FANCB: variants seen among roughly 807,000 people sequenced by gnomAD.
FANCB encodes FA complementation group B.
FANCB carries 5 observed loss-of-function variants against 38.9 expected under a neutral mutation model. That is an observed-to-expected ratio of 0.13 (90% confidence interval 0.07 to 0.27). The LOEUF is 0.27. Ranked by LOEUF, FANCB falls within the 10% of genes least tolerant of loss-of-function variation. FANCB has a pLI of 1.00. For missense variants in FANCB, 573 were observed against 602.7 expected (o/e 0.95, Z 0.52); for synonymous variants, 236 against 215.4 (o/e 1.10, Z -0.84).
chrX:14,767,853 A>G, the FANCB span, among the ~76,000 whole-genome samples: 1 of 112,023 alleles, frequency 8.9e-6, no homozygotes, highest in East Asian at 2.8e-4. Context: ...TCTTGAGTTA[A>G]TTTTTGTATA....
At chrX:14,733,609 T>C in the FANCB span, among the ~76,000 whole-genome samples, 2 of 112,141 alleles carry the variant, frequency 1.8e-5, no homozygotes, top group East Asian at 5.6e-4. Flanking sequence ...TTCCTAGGTA[T>C]CTTGTTCTCT....
the FANCB span, among the ~76,000 whole-genome samples, chrX:14,789,803 T>C: frequency 1.2e-4 from 14 of 112,045 alleles, no homozygotes; most frequent in South Asian, 4.9e-3. Flanking sequence ...GGTGAAGACA[T>C]GGTAGGGTCA....
chrX:14,797,691 AAGAGAG>A, the FANCB span, among the ~76,000 whole-genome samples: 347 of 103,321 alleles, frequency 3.4e-3, 1 homozygote, highest in African/African-American at 0.012. Context: ...AAAAAAAAAA[AAGAGAG>A]AGAGAGAGAG....
At chrX:14,786,486 T>C in the FANCB span, among the ~76,000 whole-genome samples, 1 of 111,110 alleles carries the variant, frequency 9.0e-6, no homozygotes, top group Non-Finnish European at 1.9e-5. Flanking sequence ...TCTTTATCAT[T>C]GCTTGCCAAG....
chrX:14,865,027 TAAC>T lies in FANCB; in HGVS notation c.481_483del (p.Val161del). 1.7e-6 allele frequency: 2 copies of T among 1,210,142 alleles called. No individual in the cohort carries two copies. On this transcript the variant is annotated inframe_deletion, in exon 3 of 10. Transcript: ENST00000650831. ...ATAGAGGAAAAGTTACCTGACACAC[TAAC>T]AACTTTGCCAGTTTGAGAAGAGATA...
In FANCB at chrX:14,857,969, A is replaced by T; in HGVS notation, c.1105-15T>A. ...GATGGTTCACTCTAATAAATAAATA[A>T]ATAAATAAATACACTAAGACTGAAA... is the stretch of plus-strand genomic sequence containing the variant. On this transcript the variant is annotated splice_polypyrimidine_tract_variant and intron_variant, in intron 4 of 9. Coordinates refer to ENST00000650831, the MANE Select transcript of FANCB (RefSeq NM_001018113.3). The T allele has an allele frequency of 1.0e-6, 1 of 1,002,622 alleles. No individual in the cohort carries two copies. Among genetic ancestry groups the T allele is most frequent in the Non-Finnish European group, 1.4e-6 (1 of 710,762 alleles). The allele number at this position is 1,002,622 out of a possible 1,213,427, so 82.6% of individuals were successfully genotyped here.
At chrX:14,798,269 T>C in the FANCB span, among the ~76,000 whole-genome samples, 1 of 110,597 alleles carries the variant, frequency 9.0e-6, no homozygotes, top group Non-Finnish European at 1.9e-5. Flanking sequence ...TTCACGCCAT[T>C]CTCTTGCCTC....
intron 4 of FANCB, 45 bp from the exon 5 acceptor site, chrX:14,857,999 G>A: frequency 1.2e-6 from 1 of 852,331 alleles, no homozygotes; most frequent in South Asian, 2.1e-5. Context: ...CTGAAATTTT[G>A]CAACAATTGA....
the FANCB span, among the ~76,000 whole-genome samples, chrX:14,817,023 T>TA: frequency 8.9e-6 from 1 of 112,216 alleles, no homozygotes; most frequent in Admixed American, 9.4e-5. Flanking sequence ...CCAGTTCCTA[T>TA]ATAGACACAG....
chrX:14,804,556 G>A, the FANCB span, among the ~76,000 whole-genome samples: 1 of 111,129 alleles, frequency 9.0e-6, no homozygotes, highest in Middle Eastern at 4.6e-3. Flanking sequence ...ACTGGGTGCA[G>A]CACACCAACA....
chrX:14,859,285 A>T lies in FANCB; in HGVS notation c.1001T>A (p.Ile334Asn), dbSNP rs941959108. The change falls in exon 4 of 10, where the codon ATT (isoleucine) becomes AAT (asparagine). Residue 334 changes from isoleucine to asparagine, a missense_variant. Coordinates refer to ENST00000650831, the MANE Select transcript of FANCB (RefSeq NM_001018113.3). ...GAGTACTTGTTCAGTTCCACTTCCA[A>T]TAAAGTCATCTATCAGTACTAAGCT... The part of the protein sequence containing the change: ...KLSLVLIDDF[I>N]GSGTEQVLLL... 8.4e-7 allele frequency: 1 copy of T among 1,191,116 alleles called. No individual in the cohort carries two copies. Among genetic ancestry groups the T allele is most frequent in the African/African-American group, 1.8e-5 (1 of 56,893 alleles).
At chrX:14,717,607 T>C in the FANCB span, among the ~76,000 whole-genome samples, 1 of 110,887 alleles carries the variant, frequency 9.0e-6, no homozygotes, top group South Asian at 3.8e-4. Flanking sequence ...GAGTTGTATA[T>C]AGTTATGAGT....
the FANCB span, among the ~76,000 whole-genome samples, chrX:14,828,278 T>G: frequency 7.2e-5 from 8 of 111,816 alleles, no homozygotes; most frequent in East Asian, 2.8e-4. Flanking sequence ...CAATGAAGTT[T>G]GCCATGTTGA....
At chrX:14,748,504 T>C in the FANCB span, among the ~76,000 whole-genome samples, 2 of 112,628 alleles carry the variant, frequency 1.8e-5, no homozygotes, top group African/African-American at 3.2e-5. Context: ...GCAATTTGTA[T>C]GCAGTAATAG....
At chrX:14,770,086 C>T in the FANCB span, among the ~76,000 whole-genome samples, 1 of 112,342 alleles carries the variant, frequency 8.9e-6, no homozygotes, top group Non-Finnish European at 1.9e-5. Flanking sequence ...GAGTAAGTGC[C>T]ATGTGGGCAA....
the FANCB span, among the ~76,000 whole-genome samples, chrX:14,708,940 A>G: frequency 9.1e-6 from 1 of 110,257 alleles, no homozygotes; most frequent in African/African-American, 3.4e-5. Context: ...CCGTCTCCAC[A>G]CAAAAAGAAA....
chrX:14,789,502 C>A, the FANCB span, among the ~76,000 whole-genome samples: 1 of 111,586 alleles, frequency 9.0e-6, no homozygotes, highest in Non-Finnish European at 1.9e-5. Flanking sequence ...ATTAATGACA[C>A]TTAATAATAT....
downstream of FANCB, among the ~76,000 whole-genome samples, chrX:14,838,956 G>A (rs752686615): frequency 2.7e-5 from 3 of 111,890 alleles, no homozygotes; most frequent in East Asian, 8.4e-4. Flanking sequence ...CTTCCTACTG[G>A]AGAGGATATA....
At chrX:14,696,218 G>A in the FANCB span, among the ~76,000 whole-genome samples, 5 of 96,568 alleles carry the variant, frequency 5.2e-5, no homozygotes, top group Non-Finnish European at 1.0e-4. Context: ...GAGGGAGAGT[G>A]CGAGGGAGGG....
Sources: allele counts gnomAD v4.1 joint callset (sites outside exome capture counted in the v4.1 genomes callset), GRCh38; gene constraint gnomAD v4.1.1; transcripts MANE v1.5; gene names NCBI Gene and HGNC (gene_info 2026-07-23, HGNC 2026-07-21).